The following SLC9A7 variants were observed in gnomAD, a reference collection of about 807,000 sequenced individuals.
SLC9A7 encodes sodium/hydrogen exchanger 7.
In SLC9A7, 19 loss-of-function variants were observed where a neutral mutation model predicts 52.6. That is an observed-to-expected ratio of 0.36 (90% CI 0.25 to 0.53). The LOEUF is 0.53. Ranked by LOEUF, SLC9A7 falls within the 20% of genes least tolerant of loss-of-function variation. The pLI is 0.91. For missense variants in SLC9A7, 455 were observed against 597.9 expected, an observed-to-expected ratio of 0.76 and a Z score of 2.49; for synonymous variants, 226 against 252.1, an observed-to-expected ratio of 0.90 and a Z score of 0.98.
chrX:46,709,208 G>A (rs757432632), intron 1 of SLC9A7, among the ~76,000 whole-genome samples: 14 of 110,454 alleles, frequency 1.3e-4, no homozygotes, highest in African/African-American at 3.0e-4. Context: ...GTTCGAGACC[G>A]GCGTGGGCAA....
chrX:46,663,638 CAAAAA>C (rs1315683837), intron 5 of SLC9A7, among the ~76,000 whole-genome samples: 1 of 24,604 alleles, frequency 4.1e-5, no homozygotes, highest in Admixed American at 6.5e-4. Context: ...AACTCCATCT[CAAAAA>C]AAAAAAAAAA....
intron 3 of SLC9A7, among the ~76,000 whole-genome samples, chrX:46,676,026 T>G (rs1944113345): frequency 8.9e-6 from 1 of 112,201 alleles, no homozygotes; most frequent in Non-Finnish European, 1.9e-5. Context: ...ACACCTTGCC[T>G]TATGCATCTC....
At chrX:46,682,834 C>T (rs990140693) in intron 1 of SLC9A7, among the ~76,000 whole-genome samples, 5 of 109,577 alleles carry the variant, frequency 4.6e-5, no homozygotes, top group African/African-American at 1.7e-4. Context: ...CGCTCTCTCA[C>T]CCAGGCTGGA....
At chrX:46,758,431 A>G (rs926422062) in intron 1 of SLC9A7, among the ~76,000 whole-genome samples, 2 of 111,916 alleles carry the variant, frequency 1.8e-5, no homozygotes, top group Non-Finnish European at 1.9e-5. Context: ...TTTGCAACAG[A>G]GACCGAACGG....
At chrX:46,681,630 C>T (rs1234271540) in intron 2 of SLC9A7, among the ~76,000 whole-genome samples, 2 of 112,223 alleles carry the variant, frequency 1.8e-5, no homozygotes, top group Non-Finnish European at 3.8e-5. Flanking sequence ...CTCCCAAGAC[C>T]GCTATACAGA....
chrX:46,671,277 T>G (rs764244922), intron 4 of SLC9A7, among the ~76,000 whole-genome samples: 20 of 110,925 alleles, frequency 1.8e-4, no homozygotes, highest in African/African-American at 6.6e-4. Flanking sequence ...TTTTGTTTTT[T>G]TGAGACAGAG....
intron 7 of SLC9A7, among the ~76,000 whole-genome samples, chrX:46,654,912 AG>A (rs1943646292): frequency 9.1e-6 from 1 of 110,003 alleles, no homozygotes; most frequent in African/African-American, 3.3e-5. Context: ...CAATGTGGCT[AG>A]TCCAAATTGA....
chrX:46,695,702 TC>T (rs2146902635), intron 1 of SLC9A7, among the ~76,000 whole-genome samples: 1 of 110,650 alleles, frequency 9.0e-6, no homozygotes, highest in East Asian at 2.8e-4. Flanking sequence ...GCCTAGCTGG[TC>T]CAACTGTCAG....
rs2146647072 is a variant in SLC9A7, at chrX:46,599,454, T to TACAAA, written c.*7493_*7497dup. ...CAACAGATGATACTTTACTTTAAAA[T>TACAAA]ACAAAACAAAATTAGCTCAGCCAGT... On this transcript the variant is annotated 3_prime_UTR_variant, in exon 17 of 17. Coordinates refer to ENST00000616978, the MANE Select transcript of SLC9A7 (RefSeq NM_001257291.2). 1 of 112,110 alleles carries TACAAA rather than the reference T, an allele frequency of 8.9e-6. No homozygotes were observed. Among genetic ancestry groups the TACAAA allele is most frequent in the East Asian group, 2.8e-4 (1 of 3,595 alleles). 9.2% of individuals were successfully genotyped at this position (112,110 alleles called of 1,213,427 possible). A position where few individuals can be genotyped will look rare whatever the true frequency, so the allele number is the denominator to read the frequency against.
At chrX:46,654,487 G>A (rs1943637860) in intron 7 of SLC9A7, among the ~76,000 whole-genome samples, 1 of 111,323 alleles carries the variant, frequency 9.0e-6, no homozygotes, top group African/African-American at 3.3e-5. Flanking sequence ...TAAAAATTCA[G>A]AATTCTAGAG....
intron 11 of SLC9A7, among the ~76,000 whole-genome samples, chrX:46,646,033 C>A (rs1486674366): frequency 8.9e-6 from 1 of 112,129 alleles, no homozygotes; most frequent in East Asian, 2.8e-4. Context: ...TGATCCCACT[C>A]ATCAAGTAGA....
At chrX:46,676,414 C>A (rs1288707974) in intron 3 of SLC9A7, among the ~76,000 whole-genome samples, 2 of 111,671 alleles carry the variant, frequency 1.8e-5, no homozygotes, top group Non-Finnish European at 3.8e-5. Context: ...CAGAGAAAAA[C>A]CAATTTGTGA....
At chrX:46,739,462 C>G (rs1297608550) in intron 1 of SLC9A7, among the ~76,000 whole-genome samples, 4 of 110,826 alleles carry the variant, frequency 3.6e-5, no homozygotes, top group Non-Finnish European at 7.6e-5. Flanking sequence ...CTCTCTCTCT[C>G]TCTCTCTGGT....
At chrX:46,722,775 C>T (rs1944879811) in intron 1 of SLC9A7, among the ~76,000 whole-genome samples, 1 of 111,807 alleles carries the variant, frequency 8.9e-6, no homozygotes, top group South Asian at 3.7e-4. Context: ...CTATTGTGGG[C>T]TCCAATCAGA....
At chrX:46,610,593 G>C (rs1224414032) in intron 16 of SLC9A7, among the ~76,000 whole-genome samples, 1 of 111,547 alleles carries the variant, frequency 9.0e-6, no homozygotes, top group African/African-American at 3.3e-5. Flanking sequence ...GTCTGGAGCT[G>C]GCTGAGACCC....
In SLC9A7 at chrX:46,609,726, CA is replaced by C. The variant is rs754643432; in HGVS notation, c.1930-2524del. On this transcript the variant is annotated intron_variant, in intron 16 of 16. Coordinates refer to ENST00000616978, the MANE Select transcript of SLC9A7 (RefSeq NM_001257291.2). The stretch of plus-strand genomic sequence containing the variant: ...AAAAACAAAACAAAACAAAAGAAAA[CA>C]AAAAAAAACCCATGGAGAGGCCAGG... Among the ~76,000 whole-genome samples the C allele has an allele frequency of 4.2e-3, 453 of 107,659 alleles. 7 individuals carry two copies. The highest frequency in any genetic ancestry group is 0.015 in the African/African-American group (430 of 29,620). 93.5% of individuals were successfully genotyped at this position (107,659 alleles called of 115,157 possible).
At chrX:46,668,290 A>G (rs1317872090) in intron 5 of SLC9A7, among the ~76,000 whole-genome samples, 1 of 111,728 alleles carries the variant, frequency 9.0e-6, no homozygotes, top group Non-Finnish European at 1.9e-5. Flanking sequence ...TGGGCGGATC[A>G]CCTGAGGTTG....
chrX:46,719,589 G>T (rs1334352757), intron 1 of SLC9A7, among the ~76,000 whole-genome samples: 1 of 111,794 alleles, frequency 8.9e-6, no homozygotes, highest in East Asian at 2.8e-4. Flanking sequence ...TAGAAAATAA[G>T]CTTAAAACTT....
In SLC9A7 at chrX:46,613,364, A is replaced by T. The variant is rs1214060987; in HGVS notation, c.1854T>A (p.Gly618=). The stretch of plus-strand genomic sequence containing the variant: ...CGGGGAGCGTGGTGGTTAGTGGGGG[A>T]CCACTGTGTGTGAGGATGGGCTTCA... ...NYLKPILTHS[G]PPLTTTLPAW... Residue 618 remains glycine, a synonymous_variant, in exon 16 of 17, where the codon GGT becomes GGA. Coordinates refer to ENST00000616978, the MANE Select transcript of SLC9A7 (RefSeq NM_001257291.2). 1.7e-6 allele frequency: 2 copies of T among 1,200,987 alleles called. No individual in the cohort carries two copies. The highest frequency in any genetic ancestry group is 2.3e-5 in the Admixed American group (1 of 44,416).
Sources: allele counts gnomAD v4.1 joint callset (sites outside exome capture counted in the v4.1 genomes callset), GRCh38; gene constraint gnomAD v4.1.1; transcripts MANE v1.5; gene names NCBI Gene and HGNC (gene_info 2026-07-23, HGNC 2026-07-21).